Variants in TMEM132C observed in about 807,000 individuals in gnomAD.
The protein encoded by TMEM132C is protein phosphatase 1, regulatory subunit 152.
In TMEM132C, 29 loss-of-function variants were observed where a neutral mutation model predicts 61.4. The ratio of observed to expected loss-of-function variants is 0.47; its 90% CI spans 0.35 to 0.64. The LOEUF (loss-of-function observed/expected upper bound fraction) is 0.64. Ranked by LOEUF, TMEM132C falls within the 30% of genes least tolerant of loss-of-function variation. The probability of loss-of-function intolerance (pLI) is 0.00; values close to 1 mark genes in which losing one functional copy is unlikely to be tolerated. For synonymous variants in TMEM132C, 656 were observed against 633.1 expected (o/e 1.04, Z -0.54); for missense variants, 1,408 against 1,476.9 (o/e 0.95, Z 0.76).
At chr12:128,375,414 C>T (rs1052537251) in intron 1 of TMEM132C, among the ~76,000 whole-genome samples, 2 of 152,060 alleles carry the variant, frequency 1.3e-5, no homozygotes, top group Admixed American at 6.5e-5. Context: ...GGGGAATCTC[C>T]CGGCTTCTGG....
At chr12:128,324,616 T>G (rs1365047071) in intron 1 of TMEM132C, among the ~76,000 whole-genome samples, 3 of 152,140 alleles carry the variant, frequency 2.0e-5, no homozygotes, top group African/African-American at 7.2e-5. Flanking sequence ...TCCCAGCACC[T>G]TGGGAGGCCG....
chr12:128,379,291 C>A (rs1874326318), intron 1 of TMEM132C, among the ~76,000 whole-genome samples: 1 of 152,140 alleles, frequency 6.6e-6, no homozygotes, highest in South Asian at 2.1e-4. Flanking sequence ...AATGTTGGTG[C>A]AGATTAGCTG....
rs1460681244 is a variant in TMEM132C, at chr12:128,310,360, T to C, written c.85+42873T>C. On this transcript the variant is annotated intron_variant, in intron 1 of 8. Transcript: ENST00000435159. ...CAAAGAGATACCTGAGGCTGGGTAA[T>C]TTATAAGAAGAGAGGCTTAATTGGC... 2.0e-5 allele frequency among the ~76,000 whole-genome samples: 3 copies of C among 152,128 alleles called. No homozygotes were observed. The East Asian group carries it at 5.8e-4, about 29-fold the overall frequency.
At chr12:128,365,522 C>T (rs1433527261) in intron 1 of TMEM132C, among the ~76,000 whole-genome samples, 3 of 151,922 alleles carry the variant, frequency 2.0e-5, no homozygotes, top group Non-Finnish European at 4.4e-5. Context: ...AAGAATTGTC[C>T]TCCCCCTACT....
At chr12:128,441,688 T>C (rs1869791687) in intron 2 of TMEM132C, among the ~76,000 whole-genome samples, 1 of 152,184 alleles carries the variant, frequency 6.6e-6, no homozygotes, top group Admixed American at 6.5e-5. Flanking sequence ...TGTTGGAGGC[T>C]CAACCTGAAC....
Position 128,393,610 on chromosome 12 carries a change from G to A in TMEM132C, c.86-21122G>A, listed in dbSNP as rs562575286. Among the ~76,000 whole-genome samples the A allele has an allele frequency of 3.9e-5, 6 of 152,316 alleles. No homozygotes were observed. The East Asian group carries it at 1.2e-3, about 29-fold the overall frequency. On this transcript the variant is annotated intron_variant, in intron 1 of 8. Transcript: ENST00000435159. ...CTTTCTTCTGTGACAGGAAGGGGTTGCTAGATGCTGGGCTGAAGGAAAGGA... is the reference window on the plus strand; with the variant it reads ...CTTTCTTCTGTGACAGGAAGGGGTTACTAGATGCTGGGCTGAAGGAAAGGA...
intron 2 of TMEM132C, among the ~76,000 whole-genome samples, chr12:128,440,131 G>C (rs140459004): frequency 1.3e-5 from 2 of 152,332 alleles, no homozygotes; most frequent in African/African-American, 4.8e-5. Flanking sequence ...TCAGTCAAAG[G>C]ATATTTCTCC....
chr12:128,394,907 CAA>C (rs59086773), intron 1 of TMEM132C, among the ~76,000 whole-genome samples: 3 of 132,292 alleles, frequency 2.3e-5, no homozygotes, highest in Non-Finnish European at 3.3e-5. Context: ...CCTTATTTTC[CAA>C]AAAAAAAAAA....
At chr12:128,395,245 A>G (rs1307769883) in intron 1 of TMEM132C, among the ~76,000 whole-genome samples, 1 of 150,726 alleles carries the variant, frequency 6.6e-6, no homozygotes, top group Non-Finnish European at 1.5e-5. Context: ...TTAATAGAAT[A>G]TTAAACTATA....
chr12:128,616,086 A>C, intron 3 of TMEM132C, 66 bp from the exon 4 acceptor site: 1 of 1,506,810 alleles, frequency 6.6e-7, no homozygotes. Context: ...TCTGCGTACT[A>C]TTATGAGGAG....
At chr12:128,675,713 T>C (rs767731163) in intron 5 of TMEM132C, among the ~76,000 whole-genome samples, 1 of 151,974 alleles carries the variant, frequency 6.6e-6, no homozygotes, top group African/African-American at 2.4e-5. Context: ...TGTGAATAGA[T>C]GGGTGGGTGG....
At position 128,476,891 on chromosome 12, in the gene TMEM132C, G is replaced by C. The variant is rs186812639; in HGVS notation, c.974+61271G>C. On this transcript the variant is annotated intron_variant, in intron 2 of 8. Transcript: ENST00000435159. ...AATTTTATTATACTTCCCACGTTCT[G>C]TAGGAAAGTCTCAATTATCCACATA... Among the ~76,000 whole-genome samples the C allele has an allele frequency of 2.0e-3, 310 of 152,258 alleles. 4 individuals carry two copies. Among genetic ancestry groups the C allele is most frequent in the Non-Finnish European group, 6.0e-4 (41 of 68,022 alleles).
chr12:128,695,482 C>T (rs1005550858), intron 6 of TMEM132C, among the ~76,000 whole-genome samples: 5 of 152,042 alleles, frequency 3.3e-5, no homozygotes, highest in Non-Finnish European at 5.9e-5. Flanking sequence ...TAGGATGGAC[C>T]ACTGCACTTT....
intron 2 of TMEM132C, among the ~76,000 whole-genome samples, chr12:128,460,308 CT>C (rs1021308579): frequency 1.1e-4 from 16 of 152,198 alleles, no homozygotes; most frequent in African/African-American, 3.6e-4. Flanking sequence ...TCTCTCACCC[CT>C]GCTTTCTTCT....
At chr12:128,628,802 A>G (rs1379088584) in intron 4 of TMEM132C, among the ~76,000 whole-genome samples, 1 of 152,156 alleles carries the variant, frequency 6.6e-6, no homozygotes, top group Non-Finnish European at 1.5e-5. Flanking sequence ...CCTCATGGAA[A>G]TTGCTCCGTG....
intron 4 of TMEM132C, among the ~76,000 whole-genome samples, chr12:128,640,994 C>A (rs1954153801): frequency 6.6e-6 from 1 of 152,132 alleles, no homozygotes; most frequent in Non-Finnish European, 1.5e-5. Flanking sequence ...GTTTCCAGTA[C>A]AAATGCCACA....
intron 1 of TMEM132C, among the ~76,000 whole-genome samples, chr12:128,337,622 C>T (rs964751736): frequency 6.6e-6 from 1 of 152,178 alleles, no homozygotes; most frequent in Non-Finnish European, 1.5e-5. Context: ...TCTGAAAGTA[C>T]AAATAAAGTT....
intron 1 of TMEM132C, among the ~76,000 whole-genome samples, chr12:128,358,059 T>G (rs1873575670): frequency 6.6e-6 from 1 of 152,062 alleles, no homozygotes; most frequent in Non-Finnish European, 1.5e-5. Flanking sequence ...ATTCAATCTG[T>G]GGGGAGAGAC....
intron 3 of TMEM132C, among the ~76,000 whole-genome samples, chr12:128,596,711 G>T (rs1316281669): frequency 6.6e-6 from 1 of 152,098 alleles, no homozygotes; most frequent in Non-Finnish European, 1.5e-5. Context: ...ATCACACTGG[G>T]CTGCCCCTTT....
Sources: gnomAD v4.1 joint callset for allele counts (sites outside exome capture counted in the v4.1 genomes callset) on GRCh38, gnomAD v4.1.1 for gene constraint, MANE v1.5 for transcripts, NCBI Gene and HGNC (gene_info 2026-07-23, HGNC 2026-07-21) for gene names.